Variants in ERI1 observed in about 807,000 individuals in gnomAD.
The protein encoded by ERI1 is exoribonuclease 1.
In ERI1, 39 loss-of-function variants were observed where a neutral mutation model predicts 39.7. The ratio of observed to expected loss-of-function variants is 0.98; its 90% CI spans 0.76 to 1.28. The LOEUF (loss-of-function observed/expected upper bound fraction) is 1.28, where lower values mean the gene tolerates loss of function less well. Ranked by LOEUF, ERI1 falls within the 50% of genes most tolerant of loss-of-function variation. The probability of loss-of-function intolerance (pLI) is 0.00; values close to 1 mark genes in which losing one functional copy is unlikely to be tolerated. For missense variants in ERI1, 581 were observed against 416.9 expected (o/e 1.39, Z -3.43); for synonymous variants, 204 against 149.6 (o/e 1.36, Z -2.65).
intron 1 of ERI1, among the ~76,000 whole-genome samples, chr8:9,006,978 C>T (rs75223170): frequency 6.6e-6 from 1 of 152,108 alleles, no homozygotes; most frequent in East Asian, 1.9e-4. Flanking sequence ...CAATGTGGTA[C>T]ATTATAACTA....
chr8:9,096,514 A>G (rs1008576815), intron 3 of ERI1, among the ~76,000 whole-genome samples: 1 of 152,114 alleles, frequency 6.6e-6, no homozygotes, highest in African/African-American at 2.4e-5. Context: ...GGACAACGTC[A>G]CTGCTGGACT....
chr8:9,057,005 G>C (rs1245698163), intron 3 of ERI1, among the ~76,000 whole-genome samples: 3 of 152,044 alleles, frequency 2.0e-5, no homozygotes, highest in South Asian at 2.1e-4. Context: ...GTTAATTTTT[G>C]TGTTTTTTAT....
At chr8:9,038,401 A>G (rs1452769596) in intron 3 of ERI1, among the ~76,000 whole-genome samples, 1 of 152,174 alleles carries the variant, frequency 6.6e-6, no homozygotes, top group Non-Finnish European at 1.5e-5. Flanking sequence ...TTTACTCTGT[A>G]TTTTTCTGCC....
intron 3 of ERI1, among the ~76,000 whole-genome samples, chr8:9,083,950 T>C (rs1162768853): frequency 6.6e-6 from 1 of 152,114 alleles, no homozygotes; most frequent in East Asian, 1.9e-4. Flanking sequence ...CCTGCCACCA[T>C]GCCCGGCTAA....
intron 3 of ERI1, among the ~76,000 whole-genome samples, chr8:9,075,730 T>C (rs578239772): frequency 9.9e-5 from 15 of 152,248 alleles, no homozygotes; most frequent in African/African-American, 3.6e-4. Flanking sequence ...AGAAATAAAA[T>C]GTAATGATCA....
intron 6 of ERI1, among the ~76,000 whole-genome samples, chr8:9,022,683 A>G (rs985426493): frequency 6.6e-6 from 1 of 152,216 alleles, no homozygotes; most frequent in Non-Finnish European, 1.5e-5. Context: ...TATAGGCGTG[A>G]GCCACTGCAC....
At position 9,055,197 on chromosome 8, in the gene ERI1, A is replaced by G. The variant is rs373294091; in HGVS notation, n.299+34733A>G. On this transcript the variant is annotated intron_variant and non_coding_transcript_variant, in intron 3 of 3. Coordinates refer to the ERI1 transcript ENST00000518663. Reference sequence around the variant, plus strand: ...AGGCACAGAAACAGGCAGATTGGGTATAGGTTAGTGTTTGCGTTATTTGAA... The same window carrying G: ...AGGCACAGAAACAGGCAGATTGGGTGTAGGTTAGTGTTTGCGTTATTTGAA... Among the ~76,000 whole-genome samples the G allele has an allele frequency of 9.2e-5, 14 of 152,312 alleles. No homozygotes were observed. In the East Asian group the frequency reaches 1.5e-3, roughly 17 times the overall value.
At chr8:9,053,775 G>A (rs886110354) in intron 3 of ERI1, among the ~76,000 whole-genome samples, 3 of 152,188 alleles carry the variant, frequency 2.0e-5, no homozygotes, top group Non-Finnish European at 4.4e-5. Context: ...CCCAGTGAAT[G>A]TTAGAGAATT....
At chr8:9,076,376 A>G (rs1363783255) in intron 3 of ERI1, among the ~76,000 whole-genome samples, 1 of 152,254 alleles carries the variant, frequency 6.6e-6, no homozygotes, top group African/African-American at 2.4e-5. Flanking sequence ...AAGGAAAGAT[A>G]TACAACATCT....
chr8:9,005,097 A>G (rs983436090), intron 1 of ERI1, among the ~76,000 whole-genome samples: 1 of 152,180 alleles, frequency 6.6e-6, no homozygotes, highest in African/African-American at 2.4e-5. Context: ...AAGCTATTGC[A>G]TATTTATATT....
intron 3 of ERI1, among the ~76,000 whole-genome samples, chr8:9,094,501 G>A (rs1450884971): frequency 2.0e-5 from 3 of 152,134 alleles, no homozygotes; most frequent in African/African-American, 4.8e-5. Flanking sequence ...TTTGCTCTGC[G>A]CACAGGGTAG....
chr8:9,076,774 G>T (rs957929785), intron 3 of ERI1, among the ~76,000 whole-genome samples: 6 of 152,232 alleles, frequency 3.9e-5, no homozygotes, highest in Admixed American at 2.6e-4. Context: ...GGACAGGAGG[G>T]CTGCCAAGAA....
chr8:9,066,002 T>C (rs145238177), intron 3 of ERI1, among the ~76,000 whole-genome samples: 339 of 152,228 alleles, frequency 2.2e-3, no homozygotes, highest in African/African-American at 7.6e-3. Flanking sequence ...GCCGCCTTTT[T>C]TTTCTTTGAC....
At chr8:9,070,902 TG>T (rs1317465359) in intron 3 of ERI1, among the ~76,000 whole-genome samples, 1 of 152,166 alleles carries the variant, frequency 6.6e-6, no homozygotes, top group Non-Finnish European at 1.5e-5. Flanking sequence ...GGAATCATGG[TG>T]GTGGCCCCAG....
downstream of ERI1, among the ~76,000 whole-genome samples, chr8:9,034,260 GT>G (rs1308485682): frequency 6.6e-6 from 1 of 152,250 alleles, no homozygotes; most frequent in Non-Finnish European, 1.5e-5. Context: ...CATTAGATTT[GT>G]TTTAGGATGA....
At chr8:9,016,747 G>T (rs1217069806) in intron 4 of ERI1, among the ~76,000 whole-genome samples, 2 of 152,074 alleles carry the variant, frequency 1.3e-5, no homozygotes, top group East Asian at 3.9e-4. Flanking sequence ...GTACAGTGGC[G>T]TGACCTCGGC....
At chr8:9,042,357 A>T (rs1329684334) in intron 3 of ERI1, among the ~76,000 whole-genome samples, 1 of 152,130 alleles carries the variant, frequency 6.6e-6, no homozygotes, top group East Asian at 1.9e-4. Flanking sequence ...CTCTCTTTTG[A>T]GATCCAATTT....
chr8:9,073,978 G>T (rs576428499), intron 3 of ERI1, among the ~76,000 whole-genome samples: 2 of 152,196 alleles, frequency 1.3e-5, no homozygotes, highest in East Asian at 3.9e-4. Flanking sequence ...TACAGAGGAG[G>T]TCTTGCTATG....
At chr8:9,021,774 G>GTTTTTTTTTTTTTTTTTTTT (rs200507835) in intron 6 of ERI1, among the ~76,000 whole-genome samples, 1 of 88,288 alleles carries the variant, frequency 1.1e-5, no homozygotes, top group Admixed American at 1.1e-4. Flanking sequence ...TGTTTTTTTT[G>GTTTTTTTTTTTTTTTTTTTT]TTTTTTTTTT....
Sources: allele counts gnomAD v4.1 joint callset (sites outside exome capture counted in the v4.1 genomes callset), GRCh38; gene constraint gnomAD v4.1.1; transcripts MANE v1.5; gene names NCBI Gene and HGNC (gene_info 2026-07-23, HGNC 2026-07-21).